Variants in MOSMO observed in about 807,000 individuals in gnomAD.
MOSMO encodes modulator of smoothened protein.
In MOSMO, 5 loss-of-function variants were observed where a neutral mutation model predicts 18.4. That is an observed-to-expected ratio of 0.27 (90% CI 0.14 to 0.57). The LOEUF is 0.57. Ranked by LOEUF, MOSMO falls within the 20% of genes least tolerant of loss-of-function variation. The pLI, the probability that MOSMO is intolerant of heterozygous loss-of-function variation, is 0.92. For synonymous variants in MOSMO, 82 were observed against 82.3 expected, an observed-to-expected ratio of 1.00 and a Z score of 0.02; for missense variants, 138 against 211.8, an observed-to-expected ratio of 0.65 and a Z score of 2.16.
chr16:22,046,638 A>G (rs1384355950), intron 1 of MOSMO, among the ~76,000 whole-genome samples: 1 of 152,196 alleles, frequency 6.6e-6, no homozygotes, highest in Non-Finnish European at 1.5e-5. Context: ...CTTGAGCACT[A>G]TAATTGGGAC....
downstream of MOSMO, among the ~76,000 whole-genome samples, chr16:22,089,415 AG>A (rs1301611691): frequency 6.6e-6 from 1 of 152,100 alleles, no homozygotes; most frequent in Non-Finnish European, 1.5e-5. Context: ...AAGCTAGATG[AG>A]GGCATTGATT....
At chr16:22,020,775 A>C (rs896986338) in intron 1 of MOSMO, among the ~76,000 whole-genome samples, 15 of 152,246 alleles carry the variant, frequency 9.9e-5, no homozygotes, top group Admixed American at 1.3e-4. Context: ...CATTTTCAAA[A>C]GATAAAAAGG....
rs1475934026 is a variant in MOSMO at position 22,080,692 on chromosome 16, A to G, written c.320-4A>G. The G allele has an allele frequency of 6.5e-6, 8 of 1,221,560 alleles. No individual in the cohort carries two copies. Among genetic ancestry groups the G allele is most frequent in the Non-Finnish European group, 8.2e-6 (8 of 971,044 alleles). The allele number at this position is 1,221,560 out of a possible 1,614,324, so 75.7% of individuals were successfully genotyped here. A position where few individuals can be genotyped will look rare whatever the true frequency, so the allele number is the denominator to read the frequency against. On this transcript the variant is annotated splice_polypyrimidine_tract_variant and splice_region_variant and intron_variant, in intron 2 of 2. Coordinates refer to ENST00000542527, the MANE Select transcript of MOSMO (RefSeq NM_001164579.2). ...CTAATGTTGTGTTTTGGTTTGTTTT[A>G]CAGTGATCCTTTTCTGTATGGCTGC...
chr16:22,064,565 A>T, intron 1 of MOSMO: 1 of 388,396 alleles, frequency 2.6e-6, no homozygotes, highest in East Asian at 7.4e-5. Context: ...ACTTTGGTTT[A>T]TGCTAATTTC....
chr16:22,022,952 G>T (rs570668214), intron 1 of MOSMO, among the ~76,000 whole-genome samples: 1 of 152,282 alleles, frequency 6.6e-6, no homozygotes, highest in East Asian at 1.9e-4. Context: ...GACTAAGACA[G>T]TAACCAAGTG....
At chr16:22,009,906 G>GCTTGA (rs1449477050) in intron 1 of MOSMO, among the ~76,000 whole-genome samples, 1 of 148,084 alleles carries the variant, frequency 6.8e-6, no homozygotes, top group African/African-American at 2.5e-5. Flanking sequence ...CAGGAGAATC[G>GCTTGA]CTTGAACCCG....
At chr16:22,016,682 A>G (rs886154784) in intron 1 of MOSMO, among the ~76,000 whole-genome samples, 1 of 152,216 alleles carries the variant, frequency 6.6e-6, no homozygotes, top group African/African-American at 2.4e-5. Context: ...GCAAACCAAC[A>G]TGTAGCCAAG....
rs959893335 is a variant in MOSMO at position 22,075,383 on chromosome 16, A to G, written c.107-104A>G. ...GACTTAGGATGTGCTTGAATGACCC[A>G]CGAAGAGATAAATGAGATTTAAGAA... On this transcript the variant is annotated intron_variant, in intron 1 of 2. Transcript: ENST00000542527. 7.5e-6 allele frequency: 6 copies of G among 801,914 alleles called. No homozygotes were observed. The Admixed American group carries it at 1.3e-4, about 18-fold the overall frequency. 49.7% of individuals were successfully genotyped at this position (801,914 alleles called of 1,614,324 possible).
At chr16:22,050,514 T>C (rs890400253) in intron 1 of MOSMO, among the ~76,000 whole-genome samples, 13 of 152,094 alleles carry the variant, frequency 8.5e-5, no homozygotes, top group African/African-American at 3.1e-4. Flanking sequence ...TACTGACTTC[T>C]AGTGAGTAAA....
chr16:22,060,866 TCTGTCTCAAAAAA>T (rs1222654122), intron 1 of MOSMO, among the ~76,000 whole-genome samples: 1 of 149,976 alleles, frequency 6.7e-6, no homozygotes, highest in African/African-American at 2.5e-5. Context: ...GGAGCAAAAC[TCTGTCTCAAAAAA>T]AGAAAAAAAA....
chr16:22,091,803 G>A (rs181535228), downstream of MOSMO, among the ~76,000 whole-genome samples: 13 of 152,296 alleles, frequency 8.5e-5, no homozygotes, highest in East Asian at 1.7e-3. Flanking sequence ...ATCCTTTAGC[G>A]ACTTACAAGT....
downstream of MOSMO, among the ~76,000 whole-genome samples, chr16:22,086,537 A>G (rs1280801047): frequency 6.6e-6 from 1 of 152,208 alleles, no homozygotes; most frequent in Non-Finnish European, 1.5e-5. Context: ...CTAAACAGGC[A>G]TAGACTGCCT....
chr16:22,069,540 A>G (rs1440988683), intron 1 of MOSMO, among the ~76,000 whole-genome samples: 2 of 152,208 alleles, frequency 1.3e-5, no homozygotes, highest in East Asian at 3.8e-4. Flanking sequence ...CCCAGTAGAT[A>G]TGGAGGGAGT....
At chr16:22,050,344 G>A (rs999685936) in intron 1 of MOSMO, among the ~76,000 whole-genome samples, 1 of 152,130 alleles carries the variant, frequency 6.6e-6, no homozygotes, top group African/African-American at 2.4e-5. Flanking sequence ...AATTGGTTAG[G>A]TCTGATCATT....
chr16:22,059,253 G>T (rs773402948), intron 1 of MOSMO, among the ~76,000 whole-genome samples: 17 of 152,122 alleles, frequency 1.1e-4, no homozygotes, highest in Admixed American at 6.5e-5. Flanking sequence ...CTATATTCTT[G>T]TCCTATAAAT....
At chr16:22,028,146 A>G (rs532152052) in intron 1 of MOSMO, among the ~76,000 whole-genome samples, 93 of 152,272 alleles carry the variant, frequency 6.1e-4, no homozygotes, top group African/African-American at 2.2e-3. Flanking sequence ...CAGTTAAACT[A>G]CTGGAGTTTT....
intron 1 of MOSMO, among the ~76,000 whole-genome samples, chr16:22,057,352 G>A (rs921734450): frequency 3.9e-5 from 6 of 152,182 alleles, no homozygotes; most frequent in African/African-American, 7.2e-5. Context: ...CTAACATGGC[G>A]GAAGAGAGTG....
At chr16:22,057,566 T>C (rs1054124186) in intron 1 of MOSMO, among the ~76,000 whole-genome samples, 1 of 152,222 alleles carries the variant, frequency 6.6e-6, no homozygotes, top group Non-Finnish European at 1.5e-5. Flanking sequence ...ATAGAAGAGA[T>C]TGATAGTTCA....
At chr16:22,031,337 T>C (rs896746137) in intron 1 of MOSMO, among the ~76,000 whole-genome samples, 3 of 152,156 alleles carry the variant, frequency 2.0e-5, no homozygotes, top group African/African-American at 7.2e-5. Flanking sequence ...TATAATGAAA[T>C]ATAATTCCAC....
Sources: gnomAD v4.1 joint callset for allele counts (sites outside exome capture counted in the v4.1 genomes callset) on GRCh38, gnomAD v4.1.1 for gene constraint, MANE v1.5 for transcripts, NCBI Gene and HGNC (gene_info 2026-07-23, HGNC 2026-07-21) for gene names.